The following PATJ variants were observed in gnomAD, a reference collection of about 807,000 sequenced individuals.
PATJ encodes the protein inaD-like protein.
In PATJ, 190 loss-of-function variants were observed where a neutral mutation model predicts 224.9. That is an observed-to-expected ratio of 0.84 (90% CI 0.75 to 0.95). The LOEUF (loss-of-function observed/expected upper bound fraction) is 0.95, where lower values mean the gene tolerates loss of function less well. Ranked by LOEUF, PATJ falls within the 40% of genes least tolerant of loss-of-function variation. PATJ has a pLI of 0.00. For missense variants in PATJ, 2,121 were observed against 2,270.3 expected, an observed-to-expected ratio of 0.93 and a Z score of 1.34; for synonymous variants, 769 against 820.3, an observed-to-expected ratio of 0.94 and a Z score of 1.07.
At chr1:62,127,784 A>G (rs541168736) in intron 39 of PATJ, among the ~76,000 whole-genome samples, 188 bp from the exon 40 acceptor site, 31 of 152,126 alleles carry the variant, frequency 2.0e-4, no homozygotes, top group African/African-American at 7.5e-4. Flanking sequence ...TCCAGCCTGG[A>G]TAACAAGAGC....
At chr1:61,871,156 A>T (rs1666312029) in intron 20 of PATJ, among the ~76,000 whole-genome samples, 1 of 146,574 alleles carries the variant, frequency 6.8e-6, no homozygotes, top group African/African-American at 2.5e-5. Flanking sequence ...TTAGAAAAAA[A>T]AACTTCTCTA....
At chr1:61,748,145 C>T (rs1211308184) in intron 1 of PATJ, among the ~76,000 whole-genome samples, 1 of 149,654 alleles carries the variant, frequency 6.7e-6, no homozygotes, top group Non-Finnish European at 1.5e-5. Flanking sequence ...TCCCAAAGTG[C>T]TGGAATTACA....
intron 1 of PATJ, among the ~76,000 whole-genome samples, chr1:61,746,799 A>C (rs967468967): frequency 9.2e-5 from 14 of 152,238 alleles, no homozygotes; most frequent in Admixed American, 8.5e-4. Context: ...CTAAAAGTAC[A>C]CAGACTACTA....
chr1:61,828,226 A>G (rs1023344908), intron 16 of PATJ, among the ~76,000 whole-genome samples: 1 of 151,472 alleles, frequency 6.6e-6, no homozygotes, highest in Non-Finnish European at 1.5e-5. Context: ...TTGGGCAACA[A>G]GAGCGAAACT....
intron 27 of PATJ, among the ~76,000 whole-genome samples, chr1:61,935,182 T>C (rs1345018537): frequency 6.6e-6 from 1 of 152,162 alleles, no homozygotes. Context: ...AAAGAAACAA[T>C]GAGAACCACA....
At position 62,163,720 on chromosome 1, in the gene PATJ, G is replaced by C. The variant is rs903777364; in HGVS notation, c.*2666G>C. 1 of 152,176 alleles carries C rather than the reference G, an allele frequency of 6.6e-6. No individual in the cohort carries two copies. Among genetic ancestry groups the C allele is most frequent in the Admixed American group, 6.6e-5 (1 of 15,262 alleles). 9.4% of individuals were successfully genotyped at this position (152,176 alleles called of 1,614,324 possible). Reference sequence around the variant, plus strand: ...TCAGAACTTACTGACAAGCTGAGAGGCTATGAAGATGGAAATTTGTGAAAG... The same window carrying C: ...TCAGAACTTACTGACAAGCTGAGAGCCTATGAAGATGGAAATTTGTGAAAG... On this transcript the variant is annotated 3_prime_UTR_variant, in exon 44 of 44. Transcript: ENST00000642238.
intron 40 of PATJ, 60 bp downstream of exon 40, chr1:62,128,154 C>T (rs1427543572): frequency 1.3e-6 from 2 of 1,598,856 alleles, no homozygotes; most frequent in African/African-American, 1.3e-5. Flanking sequence ...GAGGAAGTTG[C>T]AGCCCTGGGC....
rs546256927 is a variant in PATJ, at chr1:61,914,520, G to GA, written c.3493-59dup. 7.5e-4 allele frequency: 557 copies of GA among 740,506 alleles called. 2 individuals are homozygous for GA. Among genetic ancestry groups the GA allele is most frequent in the African/African-American group, 6.6e-3 (370 of 55,730 alleles). The allele number at this position is 740,506 out of a possible 1,614,324, so 45.9% of individuals were successfully genotyped here. A position where few individuals can be genotyped will look rare whatever the true frequency, so the allele number is the denominator to read the frequency against. On this transcript the variant is annotated intron_variant, in intron 25 of 43. Coordinates refer to ENST00000642238, the MANE Select transcript of PATJ (RefSeq NM_001350145.3). Reference sequence around the variant, plus strand: ...AATTCTCCATTGTGGAATGTCAAGAGAAAAAAAAGGAATGATTATGTCGTT... The same window carrying GA: ...AATTCTCCATTGTGGAATGTCAAGAGAAAAAAAAAGGAATGATTATGTCGTT...
chr1:61,829,820 C>T (rs938669869), intron 16 of PATJ, among the ~76,000 whole-genome samples: 1 of 152,172 alleles, frequency 6.6e-6, no homozygotes, highest in Non-Finnish European at 1.5e-5. Context: ...ACTCATTAAT[C>T]AGTGAGGATA....
Position 62,007,858 on chromosome 1 carries a change from C to T in PATJ, c.3868-9998C>T, listed in dbSNP as rs144644961. On this transcript the variant is annotated intron_variant, in intron 28 of 43. Transcript: ENST00000642238. Reference sequence around the variant, plus strand: ...TCCATCCTCATGACCTTGTTACTTCCCAAAGGCCCCACGTCCAAATACCAT... The same window carrying T: ...TCCATCCTCATGACCTTGTTACTTCTCAAAGGCCCCACGTCCAAATACCAT... 2.0e-3 allele frequency among the ~76,000 whole-genome samples: 303 copies of T among 152,276 alleles called. 1 individual carries two copies. Among genetic ancestry groups the T allele is most frequent in the Admixed American group, 0.017 (264 of 15,294 alleles).
At chr1:61,958,868 C>G (rs2149413247) in intron 27 of PATJ, among the ~76,000 whole-genome samples, 1 of 152,206 alleles carries the variant, frequency 6.6e-6, no homozygotes, top group Middle Eastern at 3.4e-3. Flanking sequence ...CCTTCTAGTC[C>G]TGTGATTTTT....
intron 27 of PATJ, among the ~76,000 whole-genome samples, chr1:61,954,355 C>A (rs1329660843): frequency 6.6e-6 from 1 of 152,074 alleles, no homozygotes; most frequent in Admixed American, 6.6e-5. Context: ...AAGGATGAGG[C>A]CTCGGTCTGT....
At chr1:61,991,405 C>A in intron 28 of PATJ, 1 of 688,560 alleles carries the variant, frequency 1.5e-6, no homozygotes, top group Non-Finnish European at 1.8e-6. Context: ...GGAGCTAAAT[C>A]ATGGAGACAC....
chr1:61,898,477 ATC>A (rs1474654230), intron 22 of PATJ, among the ~76,000 whole-genome samples: 6 of 151,326 alleles, frequency 4.0e-5, no homozygotes, highest in Non-Finnish European at 8.8e-5. Context: ...GGCTCAAGTG[ATC>A]TTCCTGCCTT....
chr1:61,917,586 G>T (rs991357668), intron 26 of PATJ, among the ~76,000 whole-genome samples: 19 of 151,938 alleles, frequency 1.3e-4, no homozygotes, highest in African/African-American at 2.4e-5. Context: ...GTTTTGTTTT[G>T]TTTTTCCCCA....
At chr1:61,898,140 AC>A (rs1427842405) in intron 22 of PATJ, among the ~76,000 whole-genome samples, 1 of 152,240 alleles carries the variant, frequency 6.6e-6, no homozygotes, top group East Asian at 1.9e-4. Flanking sequence ...AGATTTGGAT[AC>A]ATGAGGAAAG....
chr1:62,044,968 G>A (rs1307565866), intron 30 of PATJ, among the ~76,000 whole-genome samples: 2 of 152,114 alleles, frequency 1.3e-5, no homozygotes, highest in African/African-American at 2.4e-5. Context: ...CTGTAATCCC[G>A]ACACTCTGGG....
At chr1:61,909,898 A>G (rs2482855) in intron 25 of PATJ, among the ~76,000 whole-genome samples, 104,277 of 152,060 alleles carry the variant, frequency 0.69, 36,807 homozygotes, top group East Asian at 1. Flanking sequence ...TGCAGCCTGC[A>G]TTGGCACCTC....
At chr1:62,000,193 G>GTTTT (rs776217887) in intron 28 of PATJ, among the ~76,000 whole-genome samples, 89 of 147,994 alleles carry the variant, frequency 6.0e-4, no homozygotes, top group Middle Eastern at 3.4e-3. Context: ...CCAGCCTAGA[G>GTTTT]TTTTTTGTTT....
Sources: allele counts gnomAD v4.1 joint callset (sites outside exome capture counted in the v4.1 genomes callset), GRCh38; gene constraint gnomAD v4.1.1; transcripts MANE v1.5; gene names NCBI Gene and HGNC (gene_info 2026-07-23, HGNC 2026-07-21).